Variants in EVI5L observed in about 807,000 individuals in gnomAD.
EVI5L encodes ecotropic viral integration site 5 like.
Under a neutral mutation model 106.1 loss-of-function variants are expected in EVI5L, and 30 were observed. The ratio of observed to expected loss-of-function variants is 0.28; its 90% CI spans 0.21 to 0.38. EVI5L has a LOEUF of 0.38. EVI5L is among the 10% of genes least tolerant of loss of function. The probability of loss-of-function intolerance (pLI) is 1.00; values close to 1 mark genes in which losing one functional copy is unlikely to be tolerated. For missense variants in EVI5L, 809 were observed against 1,098.0 expected, an observed-to-expected ratio of 0.74 and a Z score of 3.72; for synonymous variants, 489 against 483.3, an observed-to-expected ratio of 1.01 and a Z score of -0.15.
chr19:7,853,931 TTC>T (rs758995816), intron 10 of EVI5L, among the ~76,000 whole-genome samples: 20 of 152,330 alleles, frequency 1.3e-4, no homozygotes, highest in Non-Finnish European at 2.4e-4. Flanking sequence ...TGTGCAAAGC[TTC>T]TCTCTCCTTC....
chr19:7,857,798 C>T lies in EVI5L; in HGVS notation c.1234-393C>T. 4.6e-6 allele frequency: 1 copy of T among 216,312 alleles called. No homozygotes were observed. 13.4% of individuals were successfully genotyped at this position (216,312 alleles called of 1,614,324 possible). On this transcript the variant is annotated intron_variant, in intron 12 of 19. Coordinates refer to ENST00000538904, the MANE Select transcript of EVI5L (RefSeq NM_001159944.3). This position sits in a 1 kb window ranked among gnomAD's most constrained non-coding sequence, Gnocchi z 4.5. ...GAGGTGAATGCCCTGGGGAGCCCAG[C>T]CCTCTCCTGCCGGGGCCTCAGCTGT...
rs898685691 is a variant in EVI5L, at chr19:7,860,595, A to G, written c.1409A>G (p.His470Arg). 2.5e-6 allele frequency: 4 copies of G among 1,599,728 alleles called. No individual in the cohort carries two copies. The African/African-American group carries it at 5.4e-5, about 21-fold the overall frequency. ...CGCCTCACAGAAGACTTCGTGTCCC[A>G]CCTGGAGACCGAGCTGGAGCAGTCG... is the stretch of plus-strand genomic sequence containing the variant. Reference protein sequence around the residue: ...NPRLTEDFVSHLETELEQSRL... With the variant: ...NPRLTEDFVSRLETELEQSRL... The change falls in exon 14 of 20, where the codon CAC (histidine) becomes CGC (arginine). Residue 470 changes from histidine to arginine, a missense_variant. Transcript: ENST00000538904.
chr19:7,841,756 A>G (rs1276777317), intron 1 of EVI5L, among the ~76,000 whole-genome samples: 1 of 152,214 alleles, frequency 6.6e-6, no homozygotes, highest in East Asian at 1.9e-4. Context: ...GCCTGTGCCC[A>G]TCCAGCATAG....
Position 7,857,947 on chromosome 19 carries a change from G to A in EVI5L, c.1234-244G>A. 1 of 511,632 alleles carries A rather than the reference G, an allele frequency of 2.0e-6. No homozygotes were observed. Among genetic ancestry groups the A allele is most frequent in the South Asian group, 2.4e-5 (1 of 41,172 alleles). The allele number at this position is 511,632 out of a possible 1,614,324, so 31.7% of individuals were successfully genotyped here. A position where few individuals can be genotyped will look rare whatever the true frequency, so the allele number is the denominator to read the frequency against. On this transcript the variant is annotated intron_variant, in intron 12 of 19. Transcript: ENST00000538904. The surrounding 1 kb of genome is among the most constrained non-coding windows in gnomAD (Gnocchi z 4.5). ...GAGCCAGAGTGGGGAAGGAGATGGA[G>A]CTTTCCAAGCCCAGGGCTAGCTCTG...
rs561517346 is a variant in EVI5L at position 7,854,969 on chromosome 19, C to T, written c.1147-1046C>T. Among the ~76,000 whole-genome samples the T allele has an allele frequency of 4.5e-3, 678 of 152,288 alleles. 5 individuals carry two copies. Among genetic ancestry groups the T allele is most frequent in the Non-Finnish European group, 7.6e-3 (519 of 68,018 alleles). On this transcript the variant is annotated intron_variant, in intron 10 of 19. Transcript: ENST00000538904. ...GTGTGACCTGCAGTGTGGCAGGGCC[C>T]TCACTCACCTGCCAATCCAAACAAT...
Position 7,850,477 on chromosome 19 carries a change from G to A in EVI5L, c.753+355G>A, listed in dbSNP as rs1979187587. Among the ~76,000 whole-genome samples the A allele has an allele frequency of 6.6e-6, 1 of 152,154 alleles. No homozygotes were observed. Among genetic ancestry groups the A allele is most frequent in the Non-Finnish European group, 1.5e-5 (1 of 68,008 alleles). ...GTGGTGGAAGGAGGGAGTGTTGTCT[G>A]CCTGCCTGATTACTGGAGAGCCGCA... On this transcript the variant is annotated intron_variant, in intron 6 of 19. Transcript: ENST00000538904. The surrounding 1 kb of genome is among the most constrained non-coding windows in gnomAD (Gnocchi z 5.4).
rs928084345 is a variant in EVI5L, at chr19:7,835,132, GT to G, written c.-48+4752del. On this transcript the variant is annotated intron_variant, in intron 1 of 19. Transcript: ENST00000538904. This position sits in a 1 kb window ranked among gnomAD's most constrained non-coding sequence, Gnocchi z 4.1. ...AGCCTGGGTGACAAAACAAGACCCTGTCTCTAAAAATAAAATAAAAATAAAA... is the reference window on the plus strand; with the variant it reads ...AGCCTGGGTGACAAAACAAGACCCTGCTCTAAAAATAAAATAAAAATAAAA... Among the ~76,000 whole-genome samples the G allele has an allele frequency of 5.9e-5, 9 of 151,772 alleles. No individual in the cohort carries two copies. The highest frequency in any genetic ancestry group is 2.2e-4 in the African/African-American group (9 of 41,338).
At position 7,851,562 on chromosome 19, in the gene EVI5L, C is replaced by T. The variant is rs1010528873; in HGVS notation, c.882C>T (p.Asp294=). The change falls in exon 7 of 20, where the codon GAC becomes GAT. Residue 294 remains aspartate, a synonymous_variant. Coordinates refer to ENST00000538904, the MANE Select transcript of EVI5L (RefSeq NM_001159944.3). ...TCCCCGTCGCCACCCGGGTCTTTGA[C>T]ATCTTCATGTATGAGGTGAGGACCG... ...FPLPVATRVF[D]IFMYEGLEIV... The T allele has an allele frequency of 1.9e-6, 3 of 1,612,486 alleles. No individual in the cohort carries two copies. The African/African-American group carries it at 4.0e-5, about 22-fold the overall frequency.
At position 7,848,760 on chromosome 19, in the gene EVI5L, C is replaced by A. The variant is rs1282925971; in HGVS notation, c.328-161C>A. ...CTCCAGCCTGGGTGACAGAGGGAGA[C>A]CCTGTCTCTGAAAAAAGGGGGTAAA... On this transcript the variant is annotated intron_variant, in intron 3 of 19. Transcript: ENST00000538904. The surrounding 1 kb of genome is among the most constrained non-coding windows in gnomAD (Gnocchi z 4.8). 14 of 661,796 alleles carry A rather than the reference C, an allele frequency of 2.1e-5. No homozygotes were observed. Among genetic ancestry groups the A allele is most frequent in the African/African-American group, 5.4e-5 (3 of 55,056 alleles). 41.0% of individuals were successfully genotyped at this position (661,796 alleles called of 1,614,324 possible).
chr19:7,862,885 C>G, intron 17 of EVI5L, 87 bp from the exon 18 acceptor site: 1 of 967,332 alleles, frequency 1.0e-6, no homozygotes, highest in Non-Finnish European at 1.5e-6. Context: ...GGCCCCGCCT[C>G]CTCATTCGCC....
intron 5 of EVI5L, among the ~76,000 whole-genome samples, chr19:7,849,681 G>A (rs924805236): frequency 2.6e-5 from 4 of 152,166 alleles, no homozygotes; most frequent in African/African-American, 9.7e-5. Flanking sequence ...GAGAAATCGG[G>A]AGGCTGACAG....
intron 1 of EVI5L, among the ~76,000 whole-genome samples, chr19:7,839,073 C>T (rs1306894930): frequency 1.3e-5 from 2 of 151,676 alleles, no homozygotes; most frequent in Non-Finnish European, 1.5e-5. Context: ...GAGGCCAATG[C>T]GGGCAGATCA....
At position 7,863,865 on chromosome 19, in the gene EVI5L, C is replaced by G; in HGVS notation, c.*163C>G. On this transcript the variant is annotated 3_prime_UTR_variant, in exon 20 of 20. Coordinates refer to ENST00000538904, the MANE Select transcript of EVI5L (RefSeq NM_001159944.3). The surrounding 1 kb of genome is among the most constrained non-coding windows in gnomAD (Gnocchi z 7.7). ...GCGAGGCAGCGCAGAGGGTAGGGTC[C>G]GACCTGGGCTCCTCAGGGCCCCGGG... The G allele has an allele frequency of 2.0e-6, 2 of 992,466 alleles. No homozygotes were observed. Among genetic ancestry groups the G allele is most frequent in the South Asian group, 1.9e-5 (1 of 51,942 alleles). 61.5% of individuals were successfully genotyped at this position (992,466 alleles called of 1,614,324 possible).
At chr19:7,854,821 C>T (rs1217327792) in intron 10 of EVI5L, among the ~76,000 whole-genome samples, 4 of 152,178 alleles carry the variant, frequency 2.6e-5, no homozygotes, top group Non-Finnish European at 4.4e-5. Flanking sequence ...GACTCAGTTT[C>T]CCCACATGAC....
chr19:7,857,391 C>T lies in EVI5L; in HGVS notation c.1233+267C>T, dbSNP rs1253852303. On this transcript the variant is annotated intron_variant, in intron 12 of 19. Coordinates refer to ENST00000538904, the MANE Select transcript of EVI5L (RefSeq NM_001159944.3). The surrounding 1 kb of genome is among the most constrained non-coding windows in gnomAD (Gnocchi z 4.5). Reference sequence around the variant, plus strand: ...GCATGTACAGAAAGCTTCCTCCGGGCGACACAGGGTGGGGACCCAGGAGGG... The same window carrying T: ...GCATGTACAGAAAGCTTCCTCCGGGTGACACAGGGTGGGGACCCAGGAGGG... The T allele has an allele frequency of 6.7e-6, 4 of 593,122 alleles. No homozygotes were observed. The highest frequency in any genetic ancestry group is 1.2e-5 in the Non-Finnish European group (4 of 332,608). 36.7% of individuals were successfully genotyped at this position (593,122 alleles called of 1,614,324 possible). A position where few individuals can be genotyped will look rare whatever the true frequency, so the allele number is the denominator to read the frequency against.
In EVI5L at chr19:7,856,133, GCCGCTAACC is replaced by G; in HGVS notation, c.1200+66_1200+74del. 1 of 1,294,088 alleles carries G rather than the reference GCCGCTAACC, an allele frequency of 7.7e-7. No homozygotes were observed. Among genetic ancestry groups the G allele is most frequent in the Non-Finnish European group, 1.0e-6 (1 of 1,004,620 alleles). The allele number at this position is 1,294,088 out of a possible 1,614,324, so 80.2% of individuals were successfully genotyped here. ...GGTGTGACCCACCATGCGGGGCATG[GCCGCTAACC>G]TGGGGTGGACTCCTCCAAGTCTTCT... On this transcript the variant is annotated intron_variant, in intron 11 of 19. Coordinates refer to ENST00000538904, the MANE Select transcript of EVI5L (RefSeq NM_001159944.3). The surrounding 1 kb of genome is among the most constrained non-coding windows in gnomAD (Gnocchi z 6.6).
At position 7,863,142 on chromosome 19, in the gene EVI5L, C is replaced by G; in HGVS notation, c.2044-43C>G. On this transcript the variant is annotated intron_variant, in intron 18 of 19. Coordinates refer to ENST00000538904, the MANE Select transcript of EVI5L (RefSeq NM_001159944.3). The surrounding 1 kb of genome is among the most constrained non-coding windows in gnomAD (Gnocchi z 7.7). ...GGCAGGAGCGGGGCCGGACCCCAGG[C>G]CCAGCATGGCACTGGCCCCGCGTGA... is the stretch of plus-strand genomic sequence containing the variant. The G allele has an allele frequency of 6.5e-7, 1 of 1,540,680 alleles. No homozygotes were observed. Among genetic ancestry groups the G allele is most frequent in the Non-Finnish European group, 8.8e-7 (1 of 1,142,544 alleles).
chr19:7,851,366 G>A, intron 6 of EVI5L, 68 bp from the exon 7 acceptor site: 1 of 1,551,936 alleles, frequency 6.4e-7, no homozygotes, highest in East Asian at 2.3e-5. Context: ...CGGGGACACT[G>A]AGGCCCAGCA....
At chr19:7,844,112 G>A (rs956312274) in intron 1 of EVI5L, among the ~76,000 whole-genome samples, 5 of 151,738 alleles carry the variant, frequency 3.3e-5, no homozygotes, top group African/African-American at 1.2e-4. Context: ...CAGCACTTTG[G>A]GAGGCCGAGG....
Sources: gnomAD v4.1 joint callset for allele counts (sites outside exome capture counted in the v4.1 genomes callset) on GRCh38, gnomAD v4.1.1 for gene constraint, Gnocchi (gnomAD v3.1) non-coding constraint, MANE v1.5 for transcripts, NCBI Gene and HGNC (gene_info 2026-07-23, HGNC 2026-07-21) for gene names.